The following TTC28 variants were observed in gnomAD, a reference collection of about 807,000 sequenced individuals.
TTC28 encodes tetratricopeptide repeat protein 28.
In TTC28, 61 loss-of-function variants were observed where a neutral mutation model predicts 198.0. That is an observed-to-expected ratio of 0.31 (90% CI 0.25 to 0.38). TTC28 has a LOEUF of 0.38. Among genes scored for constraint, TTC28 ranks in the 10% least tolerant of loss-of-function variants. The pLI is 1.00. For missense variants in TTC28, 2,678 were observed against 3,164.0 expected, an observed-to-expected ratio of 0.85 and a Z score of 3.69; for synonymous variants, 1,171 against 1,297.8, an observed-to-expected ratio of 0.90 and a Z score of 2.10.
At chr22:28,612,120 G>C (rs1267289857) in intron 2 of TTC28, among the ~76,000 whole-genome samples, 1 of 152,192 alleles carries the variant, frequency 6.6e-6, no homozygotes, top group East Asian at 1.9e-4. Context: ...CAAAATAAAG[G>C]AATGGAGGAA....
At chr22:28,315,943 G>C (rs2045344723) in intron 2 of TTC28, among the ~76,000 whole-genome samples, 1 of 152,164 alleles carries the variant, frequency 6.6e-6, no homozygotes, top group Non-Finnish European at 1.5e-5. Flanking sequence ...TCCAGAAGAG[G>C]GGTGCTGTTT....
At position 28,001,521 on chromosome 22, in the gene TTC28, C is replaced by A; in HGVS notation, c.4251G>T (p.Arg1417=). ...GLMHSSGPVG[R]HRQLILVLEG... is the part of the protein sequence containing the mutation. ...CCAGAACCAGGATGAGCTGCCGGTG[C>A]CGGCCCACGGGGCCGCTGGAGTGCA... The change falls in exon 15 of 23, where the codon CGG becomes CGT. Residue 1417 remains arginine, a synonymous_variant. Coordinates refer to ENST00000397906, the MANE Select transcript of TTC28 (RefSeq NM_001145418.2). 6.4e-7 allele frequency: 1 copy of A among 1,551,274 alleles called. No individual in the cohort carries two copies. Among genetic ancestry groups the A allele is most frequent in the Non-Finnish European group, 8.7e-7 (1 of 1,146,906 alleles).
At chr22:28,375,755 G>A (rs2046399662) in intron 2 of TTC28, among the ~76,000 whole-genome samples, 1 of 152,152 alleles carries the variant, frequency 6.6e-6, no homozygotes, top group Admixed American at 6.5e-5. Context: ...GGGAAGATCT[G>A]CCCTCAATGT....
At chr22:28,028,409 T>C (rs1938924316) in intron 13 of TTC28, among the ~76,000 whole-genome samples, 1 of 152,200 alleles carries the variant, frequency 6.6e-6, no homozygotes, top group Admixed American at 6.5e-5. Flanking sequence ...CTTTCCAAAA[T>C]GAGCACTCCA....
At chr22:28,547,806 T>TC (rs1302562729) in intron 2 of TTC28, among the ~76,000 whole-genome samples, 4 of 146,454 alleles carry the variant, frequency 2.7e-5, no homozygotes, top group Non-Finnish European at 6.0e-5. Flanking sequence ...ATCATTTAAC[T>TC]CCCCCTAGTT....
chr22:28,272,685 C>A (rs1932167371), intron 5 of TTC28, among the ~76,000 whole-genome samples: 1 of 152,162 alleles, frequency 6.6e-6, no homozygotes, highest in Non-Finnish European at 1.5e-5. Context: ...TTTAAAGGCA[C>A]TGGAGTGGTA....
chr22:28,127,576 C>T (rs1402145087), intron 6 of TTC28, among the ~76,000 whole-genome samples: 8 of 151,908 alleles, frequency 5.3e-5, no homozygotes, highest in South Asian at 2.1e-4. Context: ...TCCAAGACTT[C>T]GTATGAGAAA....
intron 2 of TTC28, among the ~76,000 whole-genome samples, chr22:28,492,484 T>C (rs914189722): frequency 1.3e-5 from 2 of 152,082 alleles, no homozygotes; most frequent in African/African-American, 4.8e-5. Context: ...AGATATTTTA[T>C]TTAAAGTCAT....
At position 28,462,607 on chromosome 22, in the gene TTC28, T is replaced by G. The variant is rs193024289; in HGVS notation, c.382-155964A>C. ...ATGACAACAACTGCAACCTAAGAAATTTCAAGAAGTTACTTAGGAAGTTCT... is the reference window on the plus strand; with the variant it reads ...ATGACAACAACTGCAACCTAAGAAAGTTCAAGAAGTTACTTAGGAAGTTCT... On this transcript the variant is annotated intron_variant, in intron 2 of 22. Coordinates refer to ENST00000397906, the MANE Select transcript of TTC28 (RefSeq NM_001145418.2). 1.1e-3 allele frequency among the ~76,000 whole-genome samples: 160 copies of G among 152,286 alleles called. 1 individual carries two copies. The highest frequency in any genetic ancestry group is 2.7e-3 in the South Asian group (13 of 4,824).
intron 5 of TTC28, among the ~76,000 whole-genome samples, chr22:28,244,924 C>A (rs1348258492): frequency 6.6e-6 from 1 of 152,174 alleles, no homozygotes; most frequent in Non-Finnish European, 1.5e-5. Flanking sequence ...CCACATACAC[C>A]TAGAAGGAGG....
intron 13 of TTC28, chr22:28,028,875 T>A (rs191698650): frequency 1.5e-3 from 600 of 407,216 alleles, no homozygotes; most frequent in Middle Eastern, 3.6e-3. Context: ...TAAGAAGCCA[T>A]CCCCATTTCA....
chr22:28,167,285 T>C (rs912788167), intron 5 of TTC28, among the ~76,000 whole-genome samples: 9 of 152,074 alleles, frequency 5.9e-5, no homozygotes, highest in African/African-American at 2.2e-4. Context: ...ACCATTCCAA[T>C]CAATAGAAAA....
chr22:28,633,098 G>A (rs1601644126), intron 1 of TTC28, among the ~76,000 whole-genome samples: 1 of 151,956 alleles, frequency 6.6e-6, no homozygotes, highest in Admixed American at 6.6e-5. Flanking sequence ...TGGCCAACAT[G>A]ATGAAACCTC....
chr22:28,591,038 CACATATATATATATATATATATATAT>C (rs1367614423), intron 2 of TTC28, among the ~76,000 whole-genome samples: 1 of 24,524 alleles, frequency 4.1e-5, no homozygotes, highest in African/African-American at 2.4e-4. Flanking sequence ...CACACACACA[CACATATATATATATATATATATATAT>C]ATATATATAT....
At chr22:28,169,083 T>C (rs1314462570) in intron 5 of TTC28, among the ~76,000 whole-genome samples, 4 of 152,162 alleles carry the variant, frequency 2.6e-5, no homozygotes, top group East Asian at 1.9e-4. Context: ...TGCTCATCAT[T>C]ACTGGCCATC....
chr22:28,525,640 T>C (rs2048991541), intron 2 of TTC28, among the ~76,000 whole-genome samples: 1 of 152,206 alleles, frequency 6.6e-6, no homozygotes. Flanking sequence ...TTATCTATAC[T>C]CCATGAGGCT....
chr22:28,630,415 A>T (rs2146207373), intron 1 of TTC28, among the ~76,000 whole-genome samples: 1 of 152,266 alleles, frequency 6.6e-6, no homozygotes, highest in Non-Finnish European at 1.5e-5. Context: ...TTCTTGCCTC[A>T]GCCTTTTGAG....
intron 5 of TTC28, among the ~76,000 whole-genome samples, chr22:28,288,848 C>T (rs1329441269): frequency 1.3e-5 from 2 of 151,502 alleles, no homozygotes; most frequent in Non-Finnish European, 1.5e-5. Flanking sequence ...TTTTAGGTCA[C>T]ATGGTAATAA....
intron 2 of TTC28, among the ~76,000 whole-genome samples, chr22:28,512,517 A>C (rs1238140596): frequency 6.6e-6 from 1 of 152,188 alleles, no homozygotes; most frequent in African/African-American, 2.4e-5. Context: ...AAAGACAAGG[A>C]ATCAACCTAT....
Sources: allele counts gnomAD v4.1 joint callset (sites outside exome capture counted in the v4.1 genomes callset), GRCh38; gene constraint gnomAD v4.1.1; transcripts MANE v1.5; gene names NCBI Gene and HGNC (gene_info 2026-07-23, HGNC 2026-07-21).